Variants in PRKRIP1 observed in about 807,000 individuals in gnomAD.
PRKRIP1 encodes PRKR interacting protein 1.
PRKRIP1 carries 29 observed loss-of-function variants against 29.3 expected under a neutral mutation model. The observed-to-expected ratio is 0.99, with a 90% CI of 0.74 to 1.35. The LOEUF (loss-of-function observed/expected upper bound fraction) is 1.35. PRKRIP1 is among the 40% of genes most tolerant of loss of function. The pLI is 0.00. For synonymous variants in PRKRIP1, 90 were observed against 85.1 expected (o/e 1.06, Z -0.32); for missense variants, 247 against 236.8 (o/e 1.04, Z -0.28).
intron 1 of PRKRIP1, among the ~76,000 whole-genome samples, chr7:102,396,820 C>T (rs1446516702): frequency 6.6e-6 from 1 of 152,046 alleles, no homozygotes; most frequent in African/African-American, 2.4e-5. Context: ...GAACAAAAAG[C>T]GTTAGACTGA....
chr7:102,404,335 C>A, intron 3 of PRKRIP1: 4 of 351,864 alleles, frequency 1.1e-5, no homozygotes, highest in South Asian at 4.9e-5. Flanking sequence ...GCACTCCCTC[C>A]TGTATTGTCT....
chr7:102,401,127 G>A (rs928398977), intron 3 of PRKRIP1, among the ~76,000 whole-genome samples: 1 of 152,080 alleles, frequency 6.6e-6, no homozygotes, highest in Admixed American at 6.6e-5. Context: ...CTGGAAGGGA[G>A]GAATCATAAT....
intron 5 of PRKRIP1, among the ~76,000 whole-genome samples, chr7:102,421,866 G>A (rs1796701911): frequency 6.6e-6 from 1 of 151,872 alleles, no homozygotes; most frequent in South Asian, 2.1e-4. Context: ...TTGAAAGCCT[G>A]TTGTTACCAT....
intron 5 of PRKRIP1, among the ~76,000 whole-genome samples, chr7:102,420,548 T>C (rs1330863152): frequency 2.0e-5 from 3 of 152,180 alleles, no homozygotes; most frequent in Non-Finnish European, 4.4e-5. Context: ...ATTTGTTATG[T>C]TGAAGGAATG....
Position 102,422,185 on chromosome 7 carries a change from T to TATC in PRKRIP1, c.458-2827_458-2826insCAT, listed in dbSNP as rs1301949459. Among the ~76,000 whole-genome samples the TATC allele has an allele frequency of 4.1e-5, 6 of 145,368 alleles. No individual in the cohort carries two copies. The South Asian group carries it at 1.1e-3, about 26-fold the overall frequency. On this transcript the variant is annotated intron_variant, in intron 5 of 5. Transcript: ENST00000397912. ...TTATTATTATTATTATTATGATTAT[T>TATC]ATTATCAGAGACGGATTCTAGCTCT...
At chr7:102,423,835 C>A (rs1796767887) in intron 5 of PRKRIP1, among the ~76,000 whole-genome samples, 1 of 152,126 alleles carries the variant, frequency 6.6e-6, no homozygotes, top group South Asian at 2.1e-4. Flanking sequence ...TGTCACCAGG[C>A]CATTTTTTAT....
At chr7:102,422,187 T>TCA (rs1796713451) in intron 5 of PRKRIP1, among the ~76,000 whole-genome samples, 3 of 147,092 alleles carry the variant, frequency 2.0e-5, no homozygotes, top group African/African-American at 7.4e-5. Context: ...ATGATTATTA[T>TCA]TATCAGAGAC....
rs1217442982 is a variant in PRKRIP1 at position 102,426,558 on chromosome 7, A to G, written c.*1447A>G. 2 of 152,664 alleles carry G rather than the reference A, an allele frequency of 1.3e-5. No homozygotes were observed. Among genetic ancestry groups the G allele is most frequent in the Non-Finnish European group, 1.5e-5 (1 of 68,066 alleles). 9.5% of individuals were successfully genotyped at this position (152,664 alleles called of 1,614,324 possible). On this transcript the variant is annotated 3_prime_UTR_variant, in exon 6 of 6. Coordinates refer to ENST00000397912, the MANE Select transcript of PRKRIP1 (RefSeq NM_024653.4). ...CCGGCCCCTCTCTGAGCCCTGTAGC[A>G]TCTGTGATAGCTTCTGTCCCTTCAT...
At chr7:102,412,714 G>A (rs1323096031) in intron 5 of PRKRIP1, among the ~76,000 whole-genome samples, 1 of 152,180 alleles carries the variant, frequency 6.6e-6, no homozygotes, top group Non-Finnish European at 1.5e-5. Context: ...TGCGCCGTGG[G>A]TCCTGGATGG....
chr7:102,396,830 A>C (rs1211712103), intron 1 of PRKRIP1, among the ~76,000 whole-genome samples: 1 of 152,140 alleles, frequency 6.6e-6, no homozygotes, highest in African/African-American at 2.4e-5. Flanking sequence ...CGTTAGACTG[A>C]AAAGGTAGAA....
Position 102,415,716 on chromosome 7 carries a change from C to T in PRKRIP1, c.457+8218C>T, listed in dbSNP as rs1217872022. Among the ~76,000 whole-genome samples the T allele has an allele frequency of 3.3e-5, 5 of 152,228 alleles. No individual in the cohort carries two copies. The East Asian group carries it at 9.6e-4, about 29-fold the overall frequency. On this transcript the variant is annotated intron_variant, in intron 5 of 5. Transcript: ENST00000397912. ...CAGTGGTGCTGTTATCCCCATTTTA[C>T]TAATGACAGACCTTAGGCACCATGC... is the stretch of plus-strand genomic sequence containing the variant.
Position 102,396,543 on chromosome 7 carries a change from ACGAGGCCCAGGCTCCACGGCCCGTC to A in PRKRIP1, c.126+16_126+40del, listed in dbSNP as rs1795903235. Reference sequence around the variant, plus strand: ...AGCGGCTCATGAAGAACCCGGTGAGACGAGGCCCAGGCTCCACGGCCCGTCCGAGGCCCACCCCCTTCCTCTGCAG... The same window carrying A: ...AGCGGCTCATGAAGAACCCGGTGAGACGAGGCCCACCCCCTTCCTCTGCAG... On this transcript the variant is annotated splice_region_variant and intron_variant, in intron 1 of 5. Transcript: ENST00000397912. The A allele has an allele frequency of 3.1e-6, 5 of 1,605,670 alleles. No individual in the cohort carries two copies. The highest frequency in any genetic ancestry group is 1.3e-5 in the African/African-American group (1 of 74,358).
At chr7:102,397,550 A>C (rs1258466142) in intron 1 of PRKRIP1, 70 bp from the exon 2 acceptor site, 2 of 1,281,908 alleles carry the variant, frequency 1.6e-6, no homozygotes, top group African/African-American at 1.5e-5. Flanking sequence ...TGTCTCTAAA[A>C]AAAGAGAGGG....
chr7:102,414,980 T>C (rs1205541734), intron 5 of PRKRIP1, among the ~76,000 whole-genome samples: 4 of 152,184 alleles, frequency 2.6e-5, no homozygotes, highest in Non-Finnish European at 4.4e-5. Flanking sequence ...TCTGGAAATA[T>C]ATTGCAGGTT....
chr7:102,396,558 C>T (rs781889776), intron 1 of PRKRIP1, 21 bp downstream of exon 1: 1 of 1,600,038 alleles, frequency 6.2e-7, no homozygotes. Flanking sequence ...GCCCAGGCTC[C>T]ACGGCCCGTC....
rs1796162977 is a variant in PRKRIP1 at position 102,404,648 on chromosome 7, T to G, written c.357T>G (p.Ala119=). 1.2e-6 allele frequency: 2 copies of G among 1,613,812 alleles called. No individual in the cohort carries two copies. The highest frequency in any genetic ancestry group is 8.5e-7 in the Non-Finnish European group (1 of 1,179,924). Residue 119 remains alanine, a synonymous_variant, in exon 4 of 6, where the codon GCT becomes GCG. Coordinates refer to ENST00000397912, the MANE Select transcript of PRKRIP1 (RefSeq NM_024653.4). The part of the protein sequence containing the change: ...FQKRLEKNKI[A]AEEQTAKRRK... ...AAAGACTGGAAAAGAATAAAATTGC[T>G]GCAGAGGAGCAGACCGCAAAGCGCC...
chr7:102,409,745 G>A (rs1464855067), intron 5 of PRKRIP1, among the ~76,000 whole-genome samples: 3 of 151,950 alleles, frequency 2.0e-5, no homozygotes, highest in African/African-American at 7.3e-5. Context: ...AGTCGCCTGA[G>A]CCCAGGAGGT....
chr7:102,407,499 G>A lies in PRKRIP1; in HGVS notation c.457+1G>A, dbSNP rs782065098. The A allele has an allele frequency of 1.2e-6, 2 of 1,610,602 alleles. No homozygotes were observed. Among genetic ancestry groups the A allele is most frequent in the East Asian group, 2.2e-5 (1 of 44,876 alleles). On this transcript the variant is annotated splice_donor_variant, in intron 5 of 5. Transcript: ENST00000397912. LOFTEE classifies it high-confidence loss of function. ...AAACTTGAACAGAAGAAACAAGAAG[G>A]TGAGTGGTGCCCACTTTTCTTGGCT...
chr7:102,425,505 T>C lies in PRKRIP1; in HGVS notation c.*394T>C. The C allele has an allele frequency of 3.3e-6, 1 of 300,172 alleles. No individual in the cohort carries two copies. Among genetic ancestry groups the C allele is most frequent in the Admixed American group, 5.2e-5 (1 of 19,150 alleles). The allele number at this position is 300,172 out of a possible 1,614,324, so 18.6% of individuals were successfully genotyped here. Reference sequence around the variant, plus strand: ...GCAAACACTCTGGAGAAGGCTGAGATGCCACCATTCCCACGGGGACTGAAG... The same window carrying C: ...GCAAACACTCTGGAGAAGGCTGAGACGCCACCATTCCCACGGGGACTGAAG... On this transcript the variant is annotated 3_prime_UTR_variant, in exon 6 of 6. Coordinates refer to ENST00000397912, the MANE Select transcript of PRKRIP1 (RefSeq NM_024653.4).
Sources: gnomAD v4.1 joint callset for allele counts (sites outside exome capture counted in the v4.1 genomes callset) on GRCh38, gnomAD v4.1.1 for gene constraint, MANE v1.5 for transcripts, NCBI Gene and HGNC (gene_info 2026-07-23, HGNC 2026-07-21) for gene names.